The following CDC42BPA variants were observed in gnomAD, a reference collection of about 807,000 sequenced individuals.
The protein encoded by CDC42BPA is serine/threonine-protein kinase MRCK alpha.
Under a neutral mutation model 223.5 loss-of-function variants are expected in CDC42BPA, and 80 were observed. The ratio of observed to expected loss-of-function variants is 0.36; its 90% CI spans 0.30 to 0.43. The LOEUF (loss-of-function observed/expected upper bound fraction) is 0.43, where lower values mean the gene tolerates loss of function less well. Ranked by LOEUF, CDC42BPA falls within the 20% of genes least tolerant of loss-of-function variation. CDC42BPA has a pLI of 1.00. For synonymous variants in CDC42BPA, 694 were observed against 718.6 expected, an observed-to-expected ratio of 0.97 and a Z score of 0.55; for missense variants, 1,743 against 2,099.9, an observed-to-expected ratio of 0.83 and a Z score of 3.32.
At chr1:227,138,105 A>G (rs903669099) in intron 10 of CDC42BPA, among the ~76,000 whole-genome samples, 1 of 152,140 alleles carries the variant, frequency 6.6e-6, no homozygotes, top group Non-Finnish European at 1.5e-5. Context: ...ACGGAAAAAC[A>G]GAAAATAGTC....
Position 227,317,861 on chromosome 1 carries a change from C to G in CDC42BPA, c.-679G>C. ...TTTCGTTTCTCCTCCCGAGGTCCTT[C>G]TTTCTTTAAGGCTTTGCAGTCAGTC... is the stretch of plus-strand genomic sequence containing the variant. On this transcript the variant is annotated 5_prime_UTR_variant, in exon 1 of 37. Coordinates refer to ENST00000366766, the MANE Select transcript of CDC42BPA (RefSeq NM_001394014.1). The G allele has an allele frequency of 2.5e-6, 1 of 398,734 alleles. No homozygotes were observed. The highest frequency in any genetic ancestry group is 3.6e-5 in the East Asian group (1 of 28,090). 24.7% of individuals were successfully genotyped at this position (398,734 alleles called of 1,614,324 possible). A position where few individuals can be genotyped will look rare whatever the true frequency, so the allele number is the denominator to read the frequency against.
At chr1:227,149,690 G>A (rs972018667) in intron 6 of CDC42BPA, among the ~76,000 whole-genome samples, 6 of 152,248 alleles carry the variant, frequency 3.9e-5, no homozygotes, top group East Asian at 3.9e-4. Context: ...TACAGTTGAC[G>A]AGAATAATAA....
In CDC42BPA at chr1:227,256,719, G is replaced by A. The variant is rs115933907; in HGVS notation, c.179-2564C>T. ...GCTAGAGGGGATATAAAATGTTACT[G>A]CTGCTTTGTAAAACAGTTGGGTAGT... On this transcript the variant is annotated intron_variant, in intron 1 of 36. Transcript: ENST00000366766. Among the ~76,000 whole-genome samples, 736 of 152,156 alleles carry A rather than the reference G, an allele frequency of 4.8e-3. 1 individual carries two copies. The highest frequency in any genetic ancestry group is 0.015 in the South Asian group (73 of 4,812).
chr1:227,270,865 A>T (rs1685849665), intron 1 of CDC42BPA, among the ~76,000 whole-genome samples: 2 of 152,174 alleles, frequency 1.3e-5, no homozygotes, highest in Non-Finnish European at 2.9e-5. Context: ...GTCACTAGGC[A>T]TGTTTTCAAG....
intron 5 of CDC42BPA, among the ~76,000 whole-genome samples, chr1:227,175,555 C>G (rs942925063): frequency 6.6e-6 from 1 of 152,078 alleles, no homozygotes; most frequent in Admixed American, 6.6e-5. Flanking sequence ...CAGTTCATCT[C>G]CAAGGCACTG....
At chr1:227,033,561 GTAAT>G in intron 26 of CDC42BPA, 146 bp from the exon 27 acceptor site, 2 of 601,016 alleles carry the variant, frequency 3.3e-6, no homozygotes, top group Middle Eastern at 2.8e-4. Flanking sequence ...TTCCCCCATT[GTAAT>G]TAATAGTGCC....
chr1:227,010,798 G>A, intron 34 of CDC42BPA: 1 of 783,112 alleles, frequency 1.3e-6, no homozygotes, highest in Non-Finnish European at 1.7e-6. Flanking sequence ...CACCATTTCA[G>A]CGGTGTTACT....
chr1:227,273,383 T>C (rs1046656524), intron 1 of CDC42BPA, among the ~76,000 whole-genome samples: 1 of 150,022 alleles, frequency 6.7e-6, no homozygotes, highest in Non-Finnish European at 1.5e-5. Context: ...CCTGACAACA[T>C]GGAGAAACCC....
chr1:227,104,471 T>C (rs780173440), intron 14 of CDC42BPA, among the ~76,000 whole-genome samples: 1 of 152,172 alleles, frequency 6.6e-6, no homozygotes, highest in Non-Finnish European at 1.5e-5. Flanking sequence ...TGAAAATTCT[T>C]CTTGAACTAC....
chr1:227,219,103 C>G (rs1340487347), intron 2 of CDC42BPA, among the ~76,000 whole-genome samples: 1 of 152,178 alleles, frequency 6.6e-6, no homozygotes, highest in Non-Finnish European at 1.5e-5. Context: ...ACTTCTTACT[C>G]TCCCATGAAT....
chr1:227,040,231 C>A lies in CDC42BPA; in HGVS notation c.3099G>T (p.Lys1033Asn). ...PGSTGFPPKR[K>N]THQFFVKSFT... The stretch of plus-strand genomic sequence containing the variant: ...AAGATTTTACAAAAAACTGGTGAGT[C>A]TTGCGCTGCAAAACAAATTGATAAA... Residue 1033 changes from lysine (K) to asparagine (N), a missense_variant, in exon 24 of 37, where the codon AAG becomes AAT. By Grantham distance (94) the Lys-to-Asn change is moderately conservative (BLOSUM62 0). Around this residue, in one of 6 missense-constraint regions of CDC42BPA, gnomAD observed 678 missense variants for 777.5 expected, o/e 0.87. Coordinates refer to ENST00000366766, the MANE Select transcript of CDC42BPA (RefSeq NM_001394014.1). The A allele has an allele frequency of 6.2e-7, 1 of 1,600,752 alleles. No homozygotes were observed. The highest frequency in any genetic ancestry group is 8.6e-7 in the Non-Finnish European group (1 of 1,168,258).
At chr1:227,252,916 A>G (rs1682278195) in intron 2 of CDC42BPA, among the ~76,000 whole-genome samples, 2 of 152,216 alleles carry the variant, frequency 1.3e-5, no homozygotes, top group African/African-American at 4.8e-5. Flanking sequence ...GAAAACAATT[A>G]AGAAATGAAA....
intron 1 of CDC42BPA, among the ~76,000 whole-genome samples, chr1:227,293,239 A>T (rs571345200): frequency 1.3e-5 from 2 of 152,220 alleles, no homozygotes; most frequent in Non-Finnish European, 2.9e-5. Flanking sequence ...GATCAATAAT[A>T]ATCAAATAAT....
chr1:227,253,939 A>C (rs1682609826), intron 2 of CDC42BPA, 125 bp downstream of exon 2: 2 of 701,506 alleles, frequency 2.9e-6, no homozygotes, highest in Non-Finnish European at 5.0e-6. Context: ...CAATCACATC[A>C]ATCACAACTT....
chr1:227,239,065 T>C (rs2148081005), intron 2 of CDC42BPA, among the ~76,000 whole-genome samples: 1 of 152,316 alleles, frequency 6.6e-6, no homozygotes, highest in South Asian at 2.1e-4. Context: ...GCACACAGTG[T>C]ATCTAGACAA....
chr1:227,292,581 A>G (rs1215505892), intron 1 of CDC42BPA, among the ~76,000 whole-genome samples: 1 of 152,246 alleles, frequency 6.6e-6, no homozygotes, highest in Non-Finnish European at 1.5e-5. Flanking sequence ...ATACAGTGAA[A>G]ATTCAACAAG....
chr1:227,011,251 T>G (rs907704911), intron 34 of CDC42BPA, among the ~76,000 whole-genome samples: 21 of 152,194 alleles, frequency 1.4e-4, no homozygotes, highest in African/African-American at 5.1e-4. Flanking sequence ...AATAGTTGAT[T>G]TGCAAAAGAT....
chr1:227,226,085 C>G (rs1676816128), intron 2 of CDC42BPA, among the ~76,000 whole-genome samples: 1 of 152,186 alleles, frequency 6.6e-6, no homozygotes, highest in South Asian at 2.1e-4. Context: ...TCACTTCTGT[C>G]CTTGTAATAA....
chr1:227,157,743 T>A (rs531367324), intron 6 of CDC42BPA, among the ~76,000 whole-genome samples: 1 of 152,050 alleles, frequency 6.6e-6, no homozygotes, highest in Non-Finnish European at 1.5e-5. Flanking sequence ...GTTTTTCACA[T>A]TGGCTCATCT....
Sources: gnomAD v4.1 joint callset for allele counts (sites outside exome capture counted in the v4.1 genomes callset) on GRCh38, gnomAD v4.1.1 for gene constraint, gnomAD v4.1.1 regional missense constraint, MANE v1.5 for transcripts, NCBI Gene and HGNC (gene_info 2026-07-23, HGNC 2026-07-21) for gene names.